Variants in RORA observed in about 807,000 individuals in gnomAD.
The protein encoded by RORA is nuclear receptor ROR-alpha.
RORA carries 7 observed loss-of-function variants against 69.5 expected under a neutral mutation model. That is an observed-to-expected ratio of 0.10 (90% CI 0.06 to 0.19). RORA has a LOEUF of 0.19. RORA is among the 10% of genes least tolerant of loss of function. The pLI is 1.00. For missense variants in RORA, 457 were observed against 663.0 expected, an observed-to-expected ratio of 0.69 and a Z score of 3.41; for synonymous variants, 261 against 240.8, an observed-to-expected ratio of 1.08 and a Z score of -0.78.
intron 1 of RORA, among the ~76,000 whole-genome samples, chr15:61,096,912 G>A (rs2078799151): frequency 6.6e-6 from 1 of 152,168 alleles, no homozygotes; most frequent in Non-Finnish European, 1.5e-5. Context: ...ACAGATTTGA[G>A]TTATTTCAAA....
At chr15:60,681,484 C>G (rs1455992225) in intron 1 of RORA, 2 of 152,192 alleles carry the variant, frequency 1.3e-5, no homozygotes, top group Non-Finnish European at 2.9e-5. Context: ...GATGCTGATG[C>G]AAACACACAG....
At chr15:61,040,115 T>G (rs7166198) in intron 1 of RORA, among the ~76,000 whole-genome samples, 3,166 of 19,328 alleles carry the variant, frequency 0.16, 86 homozygotes, top group African/African-American at 0.27. Context: ...CAAGCTTTGA[T>G]ATATATATAT....
chr15:60,929,893 C>A (rs1892328046), intron 1 of RORA, among the ~76,000 whole-genome samples: 1 of 152,140 alleles, frequency 6.6e-6, no homozygotes, highest in African/African-American at 2.4e-5. Flanking sequence ...AAGCTCGCCT[C>A]TGTTCTTGCC....
At chr15:60,807,409 C>T (rs890220160) in intron 1 of RORA, among the ~76,000 whole-genome samples, 3 of 152,122 alleles carry the variant, frequency 2.0e-5, no homozygotes, top group African/African-American at 7.2e-5. Context: ...CAAAACACTG[C>T]TGAAAGAAAT....
At chr15:60,612,633 C>G (rs1174099864) in intron 2 of RORA, among the ~76,000 whole-genome samples, 2 of 149,804 alleles carry the variant, frequency 1.3e-5, no homozygotes, top group Non-Finnish European at 3.0e-5. Flanking sequence ...ACCTCTGTAC[C>G]TAGAAGAATC....
intron 1 of RORA, among the ~76,000 whole-genome samples, chr15:61,117,906 A>T (rs2079065037): frequency 6.6e-6 from 1 of 152,242 alleles, no homozygotes; most frequent in Non-Finnish European, 1.5e-5. Context: ...CAAAAGAATT[A>T]GCTTAAACAC....
chr15:60,927,023 C>A (rs1203399377), intron 1 of RORA, among the ~76,000 whole-genome samples: 1 of 152,056 alleles, frequency 6.6e-6, no homozygotes, highest in African/African-American at 2.4e-5. Flanking sequence ...TTGTTGATAT[C>A]AGGAAAAAAT....
At chr15:60,711,105 C>A (rs2071137629) in intron 1 of RORA, among the ~76,000 whole-genome samples, 1 of 152,168 alleles carries the variant, frequency 6.6e-6, no homozygotes, top group South Asian at 2.1e-4. Context: ...AATTTGGGCA[C>A]ATTTATCCCA....
chr15:60,569,261 T>TAA lies in RORA; in HGVS notation c.197-37412_197-37411dup, dbSNP rs60382168. ...GAGAGACTCCATCTCTTTAAAAAATTAAAAAAAAAAAAAAAAAAAAAGCCA... is the reference window on the plus strand; with the variant it reads ...GAGAGACTCCATCTCTTTAAAAAATTAAAAAAAAAAAAAAAAAAAAAAAGCCA... On this transcript the variant is annotated intron_variant, in intron 2 of 10. Transcript: ENST00000335670. 4.4e-4 allele frequency among the ~76,000 whole-genome samples: 39 copies of TAA among 89,620 alleles called. 1 individual carries two copies. Among genetic ancestry groups the TAA allele is most frequent in the African/African-American group, 1.1e-3 (32 of 28,882 alleles). 58.8% of individuals were successfully genotyped at this position (89,620 alleles called of 152,430 possible). A position where few individuals can be genotyped will look rare whatever the true frequency, so the allele number is the denominator to read the frequency against.
intron 1 of RORA, among the ~76,000 whole-genome samples, chr15:61,186,645 A>G (rs1359252725): frequency 3.7e-5 from 2 of 54,258 alleles, no homozygotes; most frequent in Non-Finnish European, 6.2e-5. Context: ...TGACTCAAAA[A>G]AAAAAAAAAA....
rs1595856853 is a variant in RORA at position 60,976,842 on chromosome 15, C to T, written c.166+252211G>A. On this transcript the variant is annotated intron_variant, in intron 1 of 10. Coordinates refer to ENST00000335670, the MANE Select transcript of RORA (RefSeq NM_134261.3). ...GGAGGGAGGACATGGCCCAGCTCAC[C>T]CACCACCTGCAGCAGCAACAGCAGC... Among the ~76,000 whole-genome samples the T allele has an allele frequency of 2.0e-5, 3 of 152,292 alleles. No homozygotes were observed. In the East Asian group the frequency reaches 5.8e-4, roughly 29 times the overall value.
chr15:60,700,513 T>C (rs2070967154), intron 1 of RORA, among the ~76,000 whole-genome samples: 2 of 152,134 alleles, frequency 1.3e-5, no homozygotes, highest in Admixed American at 6.5e-5. Flanking sequence ...GGGATGAGTA[T>C]AATTTACATT....
chr15:60,858,242 C>T (rs1398151611), intron 1 of RORA, among the ~76,000 whole-genome samples: 3 of 152,166 alleles, frequency 2.0e-5, no homozygotes, highest in Non-Finnish European at 4.4e-5. Flanking sequence ...AATAAAGATG[C>T]TAGTACCTGC....
At chr15:60,659,369 T>C (rs1318929069) in intron 2 of RORA, among the ~76,000 whole-genome samples, 1 of 152,132 alleles carries the variant, frequency 6.6e-6, no homozygotes, top group Non-Finnish European at 1.5e-5. Context: ...AACGTCCTCA[T>C]CTCTAACATG....
At chr15:60,604,424 T>G (rs2068898338) in intron 2 of RORA, among the ~76,000 whole-genome samples, 1 of 152,234 alleles carries the variant, frequency 6.6e-6, no homozygotes, top group Admixed American at 6.5e-5. Context: ...ATCTGCTTTT[T>G]TTGCCATTCT....
intron 1 of RORA, among the ~76,000 whole-genome samples, chr15:60,990,113 A>C (rs1162207977): frequency 3.9e-5 from 6 of 152,238 alleles, no homozygotes; most frequent in Non-Finnish European, 8.8e-5. Flanking sequence ...GTTTCCCAGG[A>C]AAATCAATAG....
intron 1 of RORA, among the ~76,000 whole-genome samples, chr15:61,100,498 G>A (rs893643133): frequency 3.9e-5 from 6 of 152,206 alleles, no homozygotes; most frequent in African/African-American, 1.2e-4. Context: ...GTACATGGAA[G>A]AAGCAGAACA....
rs1595835099 is a variant in RORA, at chr15:60,944,699, A to C, written c.167-266013T>G. On this transcript the variant is annotated intron_variant, in intron 1 of 10. Transcript: ENST00000335670. ...GAGATCATACCACTGTACTCCAAAAAAAAAAAAAAAAAAAAGCAGCATGGC... is the reference window on the plus strand; with the variant it reads ...GAGATCATACCACTGTACTCCAAAACAAAAAAAAAAAAAAAGCAGCATGGC... Among the ~76,000 whole-genome samples, 6 of 146,752 alleles carry C rather than the reference A, an allele frequency of 4.1e-5. No individual in the cohort carries two copies. In the East Asian group the frequency reaches 1.2e-3, roughly 28 times the overall value.
rs186481597 is a variant in RORA at position 61,049,273 on chromosome 15, C to T, written c.166+179780G>A. On this transcript the variant is annotated intron_variant, in intron 1 of 10. Transcript: ENST00000335670. ...CACGGCTTCTCAGAACTCCCACTTA[C>T]GTTGGAGCTCAGCACAGAGATGAGC... Among the ~76,000 whole-genome samples, 5 of 152,292 alleles carry T rather than the reference C, an allele frequency of 3.3e-5. No individual in the cohort carries two copies. In the South Asian group the frequency reaches 8.3e-4, roughly 25 times the overall value.
Sources: allele counts gnomAD v4.1 joint callset (sites outside exome capture counted in the v4.1 genomes callset), GRCh38; gene constraint gnomAD v4.1.1; transcripts MANE v1.5; gene names NCBI Gene and HGNC (gene_info 2026-07-23, HGNC 2026-07-21).